The following RGS12 variants were observed in gnomAD, a reference collection of about 807,000 sequenced individuals.
RGS12 encodes the protein regulator of G-protein signaling 12.
A neutral mutation model predicts 120.1 loss-of-function variants in RGS12; 66 were observed. The ratio of observed to expected loss-of-function variants is 0.55; its 90% CI spans 0.45 to 0.67. The LOEUF (loss-of-function observed/expected upper bound fraction) is 0.67. RGS12 is among the 30% of genes least tolerant of loss of function. The pLI, the probability that RGS12 is intolerant of heterozygous loss-of-function variation, is 0.00. For missense variants in RGS12, 1,859 were observed against 1,957.7 expected (o/e 0.95, Z 0.95); for synonymous variants, 827 against 804.7 (o/e 1.03, Z -0.47).
chr4:3,317,004 C>T lies in RGS12; in HGVS notation c.834C>T (p.His278=), dbSNP rs1724815659. Residue 278 remains histidine (H), a synonymous_variant, in exon 2 of 18, where the codon CAC becomes CAT. Transcript: ENST00000336727. ...CGCTGGTGACCATGAAGATCATGCA[C>T]GACTGTGTGCAGCTGAGCACTGACA... is the stretch of plus-strand genomic sequence containing the variant. ...IHSLVTMKIM[H]DCVQLSTDKA... is the part of the protein sequence containing the mutation. 1.9e-6 allele frequency: 3 copies of T among 1,613,636 alleles called. No individual in the cohort carries two copies. Among genetic ancestry groups the T allele is most frequent in the Non-Finnish European group, 2.5e-6 (3 of 1,179,996 alleles).
chr4:3,354,397 G>C (rs1035959471), intron 3 of RGS12, among the ~76,000 whole-genome samples: 1 of 152,184 alleles, frequency 6.6e-6, no homozygotes, highest in African/African-American at 2.4e-5. Flanking sequence ...ATCATACTGG[G>C]TGTGTTGATG....
rs1265391938 is a variant in RGS12 at position 3,374,771 on chromosome 4, C to A, written c.1999-11645C>A. On this transcript the variant is annotated intron_variant, in intron 3 of 17. Coordinates refer to ENST00000336727, the MANE Select transcript of RGS12 (RefSeq NM_001394154.1). This position sits in a 1 kb window ranked among gnomAD's most constrained non-coding sequence, Gnocchi z 6.3. The stretch of plus-strand genomic sequence containing the variant: ...TCTTGCCTGGAGCACCACAGAGCCT[C>A]CAGCTGCCCCTGCCCTGCCCTGTCC... Among the ~76,000 whole-genome samples the A allele has an allele frequency of 6.6e-6, 1 of 152,164 alleles. No individual in the cohort carries two copies. The highest frequency in any genetic ancestry group is 1.5e-5 in the Non-Finnish European group (1 of 68,026).
intron 3 of RGS12, among the ~76,000 whole-genome samples, chr4:3,364,542 A>G (rs1005367009): frequency 6.6e-6 from 1 of 151,868 alleles, no homozygotes; most frequent in Non-Finnish European, 1.5e-5. Flanking sequence ...GCAGCAGAAG[A>G]CTGTCCAGGG....
upstream of RGS12, among the ~76,000 whole-genome samples, chr4:3,288,665 C>T (rs1722952501): frequency 6.6e-6 from 1 of 152,200 alleles, no homozygotes; most frequent in Admixed American, 6.5e-5. This position sits in a 1 kb window ranked among gnomAD's most constrained non-coding sequence, Gnocchi z 5.2. Context: ...TGGCATGTTG[C>T]CACAGGCCCA....
At chr4:3,377,232 C>T (rs1717800808) in intron 3 of RGS12, among the ~76,000 whole-genome samples, 1 of 152,056 alleles carries the variant, frequency 6.6e-6, no homozygotes, top group African/African-American at 2.4e-5. Context: ...CCACCACACC[C>T]AGCTAATTTT....
chr4:3,394,969 G>T (rs1228257643), intron 4 of RGS12, among the ~76,000 whole-genome samples: 4 of 151,830 alleles, frequency 2.6e-5, no homozygotes, highest in African/African-American at 9.7e-5. Flanking sequence ...AAGAGTTCAA[G>T]ACCAGCCTGG....
chr4:3,340,156 G>A (rs576447389), intron 2 of RGS12, among the ~76,000 whole-genome samples: 23 of 152,342 alleles, frequency 1.5e-4, no homozygotes, highest in African/African-American at 4.6e-4. Context: ...CCTCCGTGTC[G>A]TGTGTCTCAT....
At chr4:3,324,481 C>T (rs1238145649) in intron 2 of RGS12, 3 of 218,660 alleles carry the variant, frequency 1.4e-5, no homozygotes, top group South Asian at 6.0e-5. Context: ...TGTGGGCCAG[C>T]GTACGCCATT....
rs538846860 is a variant in RGS12 at position 3,374,701 on chromosome 4, T to A, written c.1999-11715T>A. On this transcript the variant is annotated intron_variant, in intron 3 of 17. Coordinates refer to ENST00000336727, the MANE Select transcript of RGS12 (RefSeq NM_001394154.1). This position sits in a 1 kb window ranked among gnomAD's most constrained non-coding sequence, Gnocchi z 6.3. ...GCTCGGCCTTCAAAATCCCTGAGTT[T>A]ACACTTTCTCACCCCCATTGCTGCA... 6.6e-6 allele frequency among the ~76,000 whole-genome samples: 1 copy of A among 152,080 alleles called. No individual in the cohort carries two copies. Among genetic ancestry groups the A allele is most frequent in the East Asian group, 1.9e-4 (1 of 5,132 alleles).
In RGS12 at chr4:3,346,072, C is replaced by T. The variant is rs371862365; in HGVS notation, c.1998+3019C>T. ...GTTTTCTTATTTTGGGTATATGGTC[C>T]TTAATTTTCCCAGAAGAATTTATCC... On this transcript the variant is annotated intron_variant, in intron 3 of 17. Transcript: ENST00000336727. 1.4e-3 allele frequency among the ~76,000 whole-genome samples: 220 copies of T among 152,230 alleles called. 2 individuals are homozygous for T. Among genetic ancestry groups the T allele is most frequent in the Middle Eastern group, 0.01 (3 of 294 alleles).
intron 1 of RGS12, among the ~76,000 whole-genome samples, chr4:3,311,607 C>T (rs1724406634): frequency 6.6e-6 from 1 of 152,124 alleles, no homozygotes; most frequent in African/African-American, 2.4e-5. Context: ...CTAGTGACAC[C>T]TTTGCTTTCT....
intron 4 of RGS12, among the ~76,000 whole-genome samples, chr4:3,394,103 A>G (rs1173963427): frequency 1.3e-5 from 2 of 151,820 alleles, no homozygotes; most frequent in Non-Finnish European, 2.9e-5. Flanking sequence ...TCCTGCCGGC[A>G]TCTCTCTGAA....
In RGS12 at chr4:3,366,452, G is replaced by A. The variant is rs1032152585; in HGVS notation, c.1999-19964G>A. Among the ~76,000 whole-genome samples, 6 of 152,122 alleles carry A rather than the reference G, an allele frequency of 3.9e-5. No homozygotes were observed. The highest frequency in any genetic ancestry group is 1.2e-4 in the African/African-American group (5 of 41,424). On this transcript the variant is annotated intron_variant, in intron 3 of 17. Transcript: ENST00000336727. This position sits in a 1 kb window ranked among gnomAD's most constrained non-coding sequence, Gnocchi z 4.0. Reference sequence around the variant, plus strand: ...TCTGTGAGCTCTGCAGATGTCTCCCGGGCACAGTCAGCAGAGGCGCTCCTC... The same window carrying A: ...TCTGTGAGCTCTGCAGATGTCTCCCAGGCACAGTCAGCAGAGGCGCTCCTC...
chr4:3,419,778 G>A (rs545576810), intron 9 of RGS12, among the ~76,000 whole-genome samples: 7 of 152,144 alleles, frequency 4.6e-5, no homozygotes, highest in Non-Finnish European at 1.0e-4. Context: ...CTATGATTGT[G>A]CCACTGTACT....
At chr4:3,420,769 G>C in intron 10 of RGS12, 51 bp downstream of exon 10, 1 of 1,422,746 alleles carries the variant, frequency 7.0e-7, no homozygotes, top group Non-Finnish European at 9.8e-7. Context: ...GTCCCCACCA[G>C]CTGACTGATG....
chr4:3,388,106 T>G (rs1719047171), intron 4 of RGS12, among the ~76,000 whole-genome samples: 1 of 152,100 alleles, frequency 6.6e-6, no homozygotes, highest in African/African-American at 2.4e-5. Flanking sequence ...GTGCTAGGGC[T>G]TTCCACCCCC....
chr4:3,298,808 T>G (rs73193354), intron 1 of RGS12, among the ~76,000 whole-genome samples: 11,505 of 152,332 alleles, frequency 0.076, 838 homozygotes, highest in East Asian at 0.34. Context: ...ACAGTAGTTT[T>G]TATTTCTAGA....
At chr4:3,420,359 C>G (rs532114974) in intron 9 of RGS12, 1 of 531,520 alleles carries the variant, frequency 1.9e-6, no homozygotes, top group African/African-American at 1.9e-5. Flanking sequence ...CTGCCATGAG[C>G]CAAGCATGTT....
intron 3 of RGS12, 69 bp from the exon 4 acceptor site, chr4:3,386,343 AGATG>A (rs765895509): frequency 1.4e-6 from 2 of 1,411,960 alleles, no homozygotes; most frequent in Non-Finnish European, 2.0e-6. Flanking sequence ...TGTGTTCCTC[AGATG>A]GACTTTTCGT....
Sources: gnomAD v4.1 joint callset for allele counts (sites outside exome capture counted in the v4.1 genomes callset) on GRCh38, gnomAD v4.1.1 for gene constraint, Gnocchi (gnomAD v3.1) non-coding constraint, MANE v1.5 for transcripts, NCBI Gene and HGNC (gene_info 2026-07-23, HGNC 2026-07-21) for gene names.